The following SON variants were observed in gnomAD, a reference collection of about 807,000 sequenced individuals.
The protein encoded by SON is protein SON.
In SON, 4 loss-of-function variants were observed where a neutral mutation model predicts 173.3. The ratio of observed to expected loss-of-function variants is 0.02; its 90% confidence interval spans 0.01 to 0.05. The LOEUF is 0.05. Among genes scored for constraint, SON ranks in the 10% least tolerant of loss-of-function variants. The pLI, the probability that SON is intolerant of heterozygous loss-of-function variation, is 1.00. For missense variants in SON, 2,626 were observed against 3,055.3 expected (o/e 0.86, Z 3.31); for synonymous variants, 1,190 against 1,105.9 (o/e 1.08, Z -1.51).
rs748999959 is a variant in SON at position 33,559,827 on chromosome 21, A to G, written c.6657+52A>G. The G allele has an allele frequency of 1.2e-6, 2 of 1,605,868 alleles. No individual in the cohort carries two copies. The highest frequency in any genetic ancestry group is 1.7e-6 in the Non-Finnish European group (2 of 1,174,846). On this transcript the variant is annotated intron_variant, in intron 6 of 11. Coordinates refer to ENST00000356577, the MANE Select transcript of SON (RefSeq NM_138927.4). This position sits in a 1 kb window ranked among gnomAD's most constrained non-coding sequence, Gnocchi z 4.1. ...TTCCTTTTTTATACCTGAATCTGCC[A>G]TTTCATTGTTATGTTATGTCTGATT...
At chr21:33,569,127 G>A in intron 8 of SON, 40 bp downstream of exon 8, 1 of 1,263,084 alleles carries the variant, frequency 7.9e-7, no homozygotes, top group East Asian at 2.3e-5. Context: ...CGAACAAAAA[G>A]TTTAAATTTT....
intron 6 of SON, among the ~76,000 whole-genome samples, chr21:33,566,327 A>G (rs1047449323): frequency 1.3e-5 from 2 of 152,124 alleles, no homozygotes; most frequent in Non-Finnish European, 2.9e-5. Flanking sequence ...AATAACAAAT[A>G]CTTATCTTGA....
intron 7 of SON, chr21:33,567,500 T>C (rs945980929): frequency 8.1e-6 from 4 of 492,606 alleles, no homozygotes; most frequent in African/African-American, 5.8e-5. Context: ...GAGAACAAAA[T>C]AGAAAAATTT....
chr21:33,544,514 C>CA (rs2085563647), intron 1 of SON, among the ~76,000 whole-genome samples: 2 of 152,066 alleles, frequency 1.3e-5, no homozygotes, highest in South Asian at 2.1e-4. Flanking sequence ...AGAAAAAACT[C>CA]ACGTTATTGA....
chr21:33,576,129 G>T (rs182730823), intron 11 of SON, among the ~76,000 whole-genome samples: 1 of 152,262 alleles, frequency 6.6e-6, no homozygotes, highest in East Asian at 1.9e-4. Context: ...TTTTCTAGTT[G>T]AATGTGGGGA....
chr21:33,573,250 T>C, intron 8 of SON, 58 bp from the exon 9 acceptor site: 2 of 1,390,564 alleles, frequency 1.4e-6, no homozygotes, highest in South Asian at 1.2e-5. Flanking sequence ...AAACAATGAA[T>C]CTGTCACCAA....
Position 33,550,294 on chromosome 21 carries a change from A to G in SON, c.1063A>G (p.Met355Val), listed in dbSNP as rs367643483. Residue 355 changes from methionine to valine, a missense_variant, in exon 3 of 12, where the codon ATG becomes GTG. Met to Val is a conservative substitution (Grantham distance 21). Coordinates refer to ENST00000356577, the MANE Select transcript of SON (RefSeq NM_138927.4). ...DVPSEIADSS[M>V]TRPQELPELP... ...ACCATCGGAGATTGCAGATTCATCC[A>G]TGACAAGACCGCAGGAGTTGCCGGA... 2 of 1,614,094 alleles carry G rather than the reference A, an allele frequency of 1.2e-6. No homozygotes were observed. The highest frequency in any genetic ancestry group is 1.3e-5 in the African/African-American group (1 of 75,024).
chr21:33,551,593 A>G lies in SON; in HGVS notation c.2362A>G (p.Thr788Ala), dbSNP rs184100114. The G allele has an allele frequency of 2.9e-5, 46 of 1,611,678 alleles. No individual in the cohort carries two copies. The highest frequency in any genetic ancestry group is 4.5e-5 in the East Asian group (2 of 44,758). Residue 788 changes from threonine to alanine, a missense_variant, in exon 3 of 12, where the codon ACT (threonine) becomes GCT (alanine). This residue lies in a region of SON where 38 missense variants were observed against 92.1 expected (regional missense o/e 0.41). Transcript: ENST00000356577. Reference protein sequence around the residue: ...TSSMDSQMLATSTMDSQMLAT... With the variant: ...TSSMDSQMLAASTMDSQMLAT... ...CTCCATGGACTCCCAGATGTTAGCA[A>G]CTAGCACTATGGACTCCCAGATGTT...
rs371507190 is a variant in SON at position 33,566,093 on chromosome 21, C to T, written c.6658-1064C>T. Among the ~76,000 whole-genome samples, 30 of 152,192 alleles carry T rather than the reference C, an allele frequency of 2.0e-4. No individual in the cohort carries two copies. The East Asian group carries it at 3.5e-3, about 18-fold the overall frequency. On this transcript the variant is annotated intron_variant, in intron 6 of 11. Coordinates refer to ENST00000356577, the MANE Select transcript of SON (RefSeq NM_138927.4). ...ACTTGTAAAAAAGAAAATCCTTAGC[C>T]GTTAGCTATTTACTGACTTCCCCGT...
At position 33,550,562 on chromosome 21, in the gene SON, C is replaced by T. The variant is rs752974668; in HGVS notation, c.1331C>T (p.Thr444Ile). 5 of 1,613,936 alleles carry T rather than the reference C, an allele frequency of 3.1e-6. No individual in the cohort carries two copies. The highest frequency in any genetic ancestry group is 4.2e-6 in the Non-Finnish European group (5 of 1,179,962). The part of the protein sequence containing the change: ...AVPELPGPSV[T>I]PVPQLSQELP... ...CCTGAGTTGCCAGGGCCCTCTGTGA[C>T]ACCAGTGCCACAGTTGTCGCAGGAA... Residue 444 changes from threonine to isoleucine, a missense_variant, in exon 3 of 12, where the codon ACA becomes ATA. Thr to Ile is a moderately conservative substitution (Grantham distance 89). Around this residue, in one of 13 missense-constraint regions of SON, gnomAD observed 757 missense variants for 730.1 expected, o/e 1.04. Coordinates refer to ENST00000356577, the MANE Select transcript of SON (RefSeq NM_138927.4).
chr21:33,558,672 T>TA (rs1435806460), intron 4 of SON: 3 of 152,202 alleles, frequency 2.0e-5, no homozygotes, highest in Non-Finnish European at 4.4e-5. Flanking sequence ...CTCACCTTTT[T>TA]ACCACCACCT....
At position 33,553,436 on chromosome 21, in the gene SON, A is replaced by C; in HGVS notation, c.4205A>C (p.Tyr1402Ser). ...CCTCCTGTTGTGGCTGAGCCAGACT[A>C]TGTTACCATTCCTGTGCCAGTTGTT... ...PEPPVVAEPD[Y>S]VTIPVPVVSA... Residue 1402 changes from tyrosine (Y) to serine (S), a missense_variant, in exon 3 of 12, where the codon TAT becomes TCT. Coordinates refer to ENST00000356577, the MANE Select transcript of SON (RefSeq NM_138927.4). 2 of 1,614,116 alleles carry C rather than the reference A, an allele frequency of 1.2e-6. No individual in the cohort carries two copies. Among genetic ancestry groups the C allele is most frequent in the Non-Finnish European group, 1.7e-6 (2 of 1,180,010 alleles).
At position 33,555,387 on chromosome 21, in the gene SON, T is replaced by G. The variant is rs2085946901; in HGVS notation, c.6156T>G (p.Asp2052Glu). Residue 2052 changes from aspartate to glutamate, a missense_variant, in exon 3 of 12, where the codon GAT becomes GAG. This residue lies in a region of SON where 138 missense variants were observed against 222.9 expected (regional missense o/e 0.62). Transcript: ENST00000356577. ...GCAGATCACCCAAACGTCTGACAGA[T>G]TTGGGTGAGTCATTTTAAAGTTTAA... ...ERGRSPKRLT[D>E]LDKAQLLEIA... The G allele has an allele frequency of 1.3e-6, 2 of 1,510,564 alleles. No homozygotes were observed. The highest frequency in any genetic ancestry group is 2.6e-5 in the South Asian group (2 of 76,328). The allele number at this position is 1,510,564 out of a possible 1,614,324, so 93.6% of individuals were successfully genotyped here.
intron 1 of SON, chr21:33,543,430 C>T (rs1207148005): frequency 5.8e-6 from 3 of 518,210 alleles, no homozygotes; most frequent in African/African-American, 1.9e-5. Context: ...CACCCTTCTC[C>T]CCTGTTTGGG....
intron 6 of SON, among the ~76,000 whole-genome samples, chr21:33,563,264 A>G (rs1048113266): frequency 3.3e-5 from 5 of 152,256 alleles, no homozygotes; most frequent in East Asian, 1.9e-4. Flanking sequence ...CATTTAGTCT[A>G]TTATACACTA....
intron 6 of SON, among the ~76,000 whole-genome samples, chr21:33,564,704 T>C (rs1454449277): frequency 6.6e-6 from 1 of 151,768 alleles, no homozygotes; most frequent in East Asian, 1.9e-4. Flanking sequence ...CTCCTAAAAA[T>C]ACAAAATTAG....
rs763262199 is a variant in SON, at chr21:33,559,889, C to T, written c.6657+114C>T. On this transcript the variant is annotated intron_variant, in intron 6 of 11. Transcript: ENST00000356577. This position sits in a 1 kb window ranked among gnomAD's most constrained non-coding sequence, Gnocchi z 4.1. ...TCACTCTTCTTAGGGCCGGGTTAAA[C>T]GGCAGGGCCGGGTTAGACGACAGAT... 5.0e-6 allele frequency: 8 copies of T among 1,606,382 alleles called. No individual in the cohort carries two copies. The highest frequency in any genetic ancestry group is 1.3e-5 in the African/African-American group (1 of 74,748).
At position 33,568,927 on chromosome 21, in the gene SON, C is replaced by T. The variant is rs373555735; in HGVS notation, c.6769-44C>T. The T allele has an allele frequency of 9.7e-5, 107 of 1,106,690 alleles. No homozygotes were observed. The African/African-American group carries it at 1.6e-3, about 16-fold the overall frequency. 68.6% of individuals were successfully genotyped at this position (1,106,690 alleles called of 1,614,324 possible). A position where few individuals can be genotyped will look rare whatever the true frequency, so the allele number is the denominator to read the frequency against. Reference sequence around the variant, plus strand: ...GAATTATTACCAGTGATGTTTTAATCAGGTAATTTTACTTAGTTAACTGAG... The same window carrying T: ...GAATTATTACCAGTGATGTTTTAATTAGGTAATTTTACTTAGTTAACTGAG... On this transcript the variant is annotated intron_variant, in intron 7 of 11. Transcript: ENST00000356577.
At chr21:33,546,507 C>T (rs1403365841) in intron 2 of SON, 128 bp downstream of exon 2, 18 of 693,322 alleles carry the variant, frequency 2.6e-5, no homozygotes, top group East Asian at 1.6e-4. Flanking sequence ...AGGCTGGGTG[C>T]GATGGCTCAC....
Sources: gnomAD v4.1 joint callset for allele counts (sites outside exome capture counted in the v4.1 genomes callset) on GRCh38, gnomAD v4.1.1 for gene constraint, gnomAD v4.1.1 regional missense constraint, Gnocchi (gnomAD v3.1) non-coding constraint, MANE v1.5 for transcripts, NCBI Gene and HGNC (gene_info 2026-07-23, HGNC 2026-07-21) for gene names.